Variants in SLC24A2 observed in about 807,000 individuals in gnomAD.
SLC24A2 encodes sodium/potassium/calcium exchanger 2.
A neutral mutation model predicts 62.0 loss-of-function variants in SLC24A2; 36 were observed. The observed-to-expected ratio is 0.58, with a 90% CI of 0.44 to 0.77. The LOEUF is 0.77. Ranked by LOEUF, SLC24A2 falls within the 30% of genes least tolerant of loss-of-function variation. The pLI is 0.00. For missense variants in SLC24A2, 846 were observed against 817.9 expected (o/e 1.03, Z -0.42); for synonymous variants, 358 against 294.0 (o/e 1.22, Z -2.23).
the SLC24A2 span, among the ~76,000 whole-genome samples, chr9:20,112,075 A>G: frequency 6.6e-6 from 1 of 152,188 alleles, no homozygotes; most frequent in Non-Finnish European, 1.5e-5. Context: ...CTGGACAAAA[A>G]TCTTTGTCAT....
chr9:19,710,427 G>C (rs1329224349), intron 2 of SLC24A2, among the ~76,000 whole-genome samples: 1 of 152,142 alleles, frequency 6.6e-6, no homozygotes, highest in East Asian at 1.9e-4. Flanking sequence ...TGGCGGTAAA[G>C]AAGTCTTCCT....
intron 4 of SLC24A2, 122 bp from the exon 5 acceptor site, chr9:19,597,401 A>G: frequency 2.7e-6 from 2 of 746,184 alleles, no homozygotes; most frequent in Non-Finnish European, 4.9e-6. Flanking sequence ...AATCGTAACT[A>G]TATGGAGATG....
intron 2 of SLC24A2, among the ~76,000 whole-genome samples, chr9:19,781,761 G>A (rs1823027304): frequency 6.6e-6 from 1 of 151,954 alleles, no homozygotes; most frequent in Non-Finnish European, 1.5e-5. Context: ...TTTAATATAA[G>A]GACCATCTTA....
the SLC24A2 span, among the ~76,000 whole-genome samples, chr9:19,858,563 C>A: frequency 2.6e-5 from 4 of 152,074 alleles, no homozygotes; most frequent in South Asian, 2.1e-4. Context: ...AACAGACAAC[C>A]TACAGAATGG....
chr9:20,013,554 A>C, the SLC24A2 span, among the ~76,000 whole-genome samples: 1 of 152,238 alleles, frequency 6.6e-6, no homozygotes, highest in Non-Finnish European at 1.5e-5. Context: ...GCAGAAATTG[A>C]CAAATGAGAT....
the SLC24A2 span, among the ~76,000 whole-genome samples, chr9:19,858,607 G>C: frequency 6.6e-6 from 1 of 152,042 alleles, no homozygotes; most frequent in African/African-American, 2.4e-5. Context: ...ATCTGATAAA[G>C]GTCTAATATC....
chr9:19,830,681 C>A, the SLC24A2 span, among the ~76,000 whole-genome samples: 1 of 152,138 alleles, frequency 6.6e-6, no homozygotes, highest in African/African-American at 2.4e-5. Context: ...GGCAGATCAT[C>A]TAGACCCGGC....
At chr9:20,004,892 A>G in the SLC24A2 span, among the ~76,000 whole-genome samples, 1 of 152,112 alleles carries the variant, frequency 6.6e-6, no homozygotes. Flanking sequence ...GGAAAACTTG[A>G]AAACAATATC....
chr9:20,197,427 CTTTTTTT>C, the SLC24A2 span, among the ~76,000 whole-genome samples: 1 of 93,150 alleles, frequency 1.1e-5, no homozygotes, highest in Non-Finnish European at 2.0e-5. Flanking sequence ...CTCTCTCTCT[CTTTTTTT>C]TTTTTTTTTT....
the SLC24A2 span, among the ~76,000 whole-genome samples, chr9:20,086,766 GA>G: frequency 6.6e-6 from 1 of 152,172 alleles, no homozygotes; most frequent in Non-Finnish European, 1.5e-5. Context: ...AGCTATTTGA[GA>G]AAATTATTAT....
chr9:20,123,777 G>A, the SLC24A2 span, among the ~76,000 whole-genome samples: 1 of 152,086 alleles, frequency 6.6e-6, no homozygotes, highest in African/African-American at 2.4e-5. Context: ...TCTAAAAATA[G>A]CATTGGTAAA....
the SLC24A2 span, among the ~76,000 whole-genome samples, chr9:20,264,616 G>C: frequency 1.3e-5 from 2 of 152,160 alleles, no homozygotes. Context: ...TCAGTTTTGG[G>C]TTCCTCCTCT....
the SLC24A2 span, among the ~76,000 whole-genome samples, chr9:20,204,550 C>T: frequency 6.6e-6 from 1 of 152,108 alleles, no homozygotes; most frequent in African/African-American, 2.4e-5. Flanking sequence ...ACCAACTTTG[C>T]TGATGTCGTA....
the SLC24A2 span, among the ~76,000 whole-genome samples, chr9:20,301,974 A>C: frequency 6.6e-6 from 1 of 152,140 alleles, no homozygotes; most frequent in Non-Finnish European, 1.5e-5. Flanking sequence ...CTTTTCCGGA[A>C]TGTCATAGAG....
the SLC24A2 span, chr9:19,895,938 C>G: frequency 6.2e-7 from 1 of 1,613,306 alleles, no homozygotes; most frequent in Non-Finnish European, 8.5e-7. Flanking sequence ...GGTCAAACAG[C>G]TGCACGTGCT....
the SLC24A2 span, among the ~76,000 whole-genome samples, chr9:19,919,619 G>A: frequency 2.0e-5 from 3 of 152,140 alleles, no homozygotes; most frequent in Non-Finnish European, 4.4e-5. Context: ...GTGCTATGAA[G>A]AAATACCTGA....
the SLC24A2 span, among the ~76,000 whole-genome samples, chr9:19,839,941 T>C: frequency 4.6e-5 from 7 of 152,282 alleles, no homozygotes; most frequent in East Asian, 1.3e-3. Context: ...TACCTTAGGT[T>C]TGTGGTAAGC....
the SLC24A2 span, among the ~76,000 whole-genome samples, chr9:20,164,210 A>G: frequency 6.6e-6 from 1 of 152,154 alleles, no homozygotes; most frequent in Admixed American, 6.5e-5. Context: ...ACAAAATGGG[A>G]GAAAATTTTC....
the SLC24A2 span, among the ~76,000 whole-genome samples, chr9:19,821,914 T>C: frequency 6.6e-6 from 1 of 152,082 alleles, no homozygotes; most frequent in South Asian, 2.1e-4. Flanking sequence ...GTTTTGAAAA[T>C]ATACAGGACT....
Sources: gnomAD v4.1 joint callset for allele counts (sites outside exome capture counted in the v4.1 genomes callset) on GRCh38, gnomAD v4.1.1 for gene constraint, MANE v1.5 for transcripts, NCBI Gene and HGNC (gene_info 2026-07-23, HGNC 2026-07-21) for gene names.